Variants in RP1L1 observed in about 807,000 individuals in gnomAD.
The protein encoded by RP1L1 is retinitis pigmentosa 1-like 1 protein.
A neutral mutation model predicts 15.7 loss-of-function variants in RP1L1; 27 were observed. The ratio of observed to expected loss-of-function variants is 1.72; its 90% confidence interval spans 1.27 to 2.38. The LOEUF (loss-of-function observed/expected upper bound fraction) is 2.38. RP1L1 is among the 30% of genes most tolerant of loss of function. The pLI, the probability that RP1L1 is intolerant of heterozygous loss-of-function variation, is 0.00. For synonymous variants in RP1L1, 1,813 were observed against 1,276.7 expected (o/e 1.42, Z -8.96); for missense variants, 4,798 against 3,075.9 (o/e 1.56, Z -13.24).
At chr8:10,642,918 G>A (rs1410557562) in intron 1 of RP1L1, among the ~76,000 whole-genome samples, 1 of 152,208 alleles carries the variant, frequency 6.6e-6, no homozygotes, top group Non-Finnish European at 1.5e-5. Context: ...AAGATCATAA[G>A]ATGATTTTAA....
Position 10,609,692 on chromosome 8 carries a change from C to G in RP1L1, c.4406G>C (p.Ser1469Thr). Reference protein sequence around the residue: ...ETDPSASERQSGSQLEPGLEK... With the variant: ...ETDPSASERQTGSQLEPGLEK... ...CAAACCAGGCTCAAGCTGGGAGCCA[C>G]TCTGCCTCTCGCTGGCACTTGGGTC... The change falls in exon 4 of 4, where the codon AGT (serine) becomes ACT (threonine). Residue 1469 changes from serine to threonine, a missense_variant. Ser to Thr is a moderately conservative substitution (Grantham distance 58, BLOSUM62 1). Transcript: ENST00000382483. The G allele has an allele frequency of 6.2e-7, 1 of 1,613,146 alleles. No individual in the cohort carries two copies.
chr8:10,612,319 C>G lies in RP1L1; in HGVS notation c.1779G>C (p.Thr593=). 1.2e-6 allele frequency: 2 copies of G among 1,613,232 alleles called. No homozygotes were observed. The highest frequency in any genetic ancestry group is 1.7e-6 in the Non-Finnish European group (2 of 1,180,028). ...TGGCCTGCTCGGTGCCCTGTCCTTG[C>G]GTCTCTGCCTGCAGGTCGTCACTCC... ...SLRSDDLQAE[T]QGQGTEQATG... The change falls in exon 4 of 4, where the codon ACG becomes ACC. Residue 593 remains threonine (T), a synonymous_variant. Coordinates refer to ENST00000382483, the MANE Select transcript of RP1L1 (RefSeq NM_178857.6).
In RP1L1 at chr8:10,620,444, A is replaced by G. The variant is rs183763280; in HGVS notation, c.609+2149T>C. The stretch of plus-strand genomic sequence containing the variant: ...AACATGGTGAAACTCCATCTCTACT[A>G]AAAATACAAAAATTAGCTGGGCATA... On this transcript the variant is annotated intron_variant, in intron 2 of 3. Coordinates refer to ENST00000382483, the MANE Select transcript of RP1L1 (RefSeq NM_178857.6). Among the ~76,000 whole-genome samples, 310 of 152,246 alleles carry G rather than the reference A, an allele frequency of 2.0e-3. 1 individual carries two copies. Among genetic ancestry groups the G allele is most frequent in the African/African-American group, 7.0e-3 (290 of 41,534 alleles).
chr8:10,618,927 C>T (rs1488685015), intron 2 of RP1L1, among the ~76,000 whole-genome samples: 3 of 152,078 alleles, frequency 2.0e-5, no homozygotes, highest in Non-Finnish European at 4.4e-5. Context: ...AGTGCAGTGG[C>T]GCAACCTCCA....
At chr8:10,640,534 T>C (rs1798391019) in intron 1 of RP1L1, among the ~76,000 whole-genome samples, 1 of 151,864 alleles carries the variant, frequency 6.6e-6, no homozygotes, top group African/African-American at 2.4e-5. Context: ...GTGCCTGTAA[T>C]CTCAGTTGCT....
At chr8:10,648,747 G>C (rs772960002) in intron 1 of RP1L1, among the ~76,000 whole-genome samples, 1 of 152,234 alleles carries the variant, frequency 6.6e-6, no homozygotes, top group Non-Finnish European at 1.5e-5. Flanking sequence ...CCCTGACAGA[G>C]AACTTACAGT....
chr8:10,650,666 C>A (rs1281824448), intron 1 of RP1L1, among the ~76,000 whole-genome samples: 1 of 151,290 alleles, frequency 6.6e-6, no homozygotes, highest in Non-Finnish European at 1.5e-5. Flanking sequence ...TCAAGTGATT[C>A]TTCTTCTGCC....
In RP1L1 at chr8:10,612,110, C is replaced by T. The variant is rs763800820; in HGVS notation, c.1988G>A (p.Gly663Asp). The change falls in exon 4 of 4, where the codon GGC becomes GAC. Residue 663 changes from glycine to aspartate, a missense_variant. Gly to Asp is a moderately conservative substitution (Grantham distance 94, BLOSUM62 -1). Coordinates refer to ENST00000382483, the MANE Select transcript of RP1L1 (RefSeq NM_178857.6). ...SPGLGRVAPR[G>D]HPRHSHYRKD... ...GCGGTAGTGAGAATGCCTGGGATGG[C>T]CTCTCGGGGCCACTCGGCCAAGGCC... 5 of 1,613,644 alleles carry T rather than the reference C, an allele frequency of 3.1e-6. No homozygotes were observed. The highest frequency in any genetic ancestry group is 1.7e-5 in the Admixed American group (1 of 60,012).
chr8:10,617,679 C>T (rs886672429), intron 2 of RP1L1, among the ~76,000 whole-genome samples: 7 of 150,906 alleles, frequency 4.6e-5, no homozygotes, highest in African/African-American at 1.7e-4. Context: ...GCCTCAGCCT[C>T]CGGAGTAGCT....
intron 1 of RP1L1, among the ~76,000 whole-genome samples, chr8:10,642,178 G>C (rs956763072): frequency 6.6e-6 from 1 of 152,120 alleles, no homozygotes; most frequent in African/African-American, 2.4e-5. Flanking sequence ...GAAAGGTTTA[G>C]TTTTTTTCAA....
At chr8:10,643,874 C>T (rs1483995372) in intron 1 of RP1L1, among the ~76,000 whole-genome samples, 1 of 151,838 alleles carries the variant, frequency 6.6e-6, no homozygotes, top group Non-Finnish European at 1.5e-5. Flanking sequence ...ATGGAAGCAA[C>T]CAGAGTGTTA....
chr8:10,636,609 A>G (rs552368988), intron 1 of RP1L1, among the ~76,000 whole-genome samples: 5 of 152,186 alleles, frequency 3.3e-5, no homozygotes, highest in Admixed American at 3.3e-4. Flanking sequence ...CGTGGGGGCA[A>G]CAGGAAGAAC....
Position 10,610,930 on chromosome 8 carries a change from T to G in RP1L1, c.3168A>C (p.Ala1056=), listed in dbSNP as rs1317979747. The part of the protein sequence containing the change: ...AAPEGVSEAP[A]EAGADREAPA... ...GGGCCTCTCTGTCTGCTCCGGCCTC[T>G]GCAGGGGCCTCGGAAACTCCCTCTG... Residue 1056 remains alanine (A), a synonymous_variant, in exon 4 of 4, where the codon GCA becomes GCC. Transcript: ENST00000382483. 1 of 1,611,226 alleles carries G rather than the reference T, an allele frequency of 6.2e-7. No homozygotes were observed. The highest frequency in any genetic ancestry group is 1.3e-5 in the African/African-American group (1 of 74,896).
At chr8:10,616,118 A>G (rs1400667176) in intron 3 of RP1L1, among the ~76,000 whole-genome samples, 1 of 152,024 alleles carries the variant, frequency 6.6e-6, no homozygotes, top group Non-Finnish European at 1.5e-5. Flanking sequence ...TATGTTGCCC[A>G]GGCGGGTGTC....
intron 1 of RP1L1, among the ~76,000 whole-genome samples, chr8:10,646,676 T>A (rs372702175): frequency 2.0e-5 from 3 of 152,012 alleles, no homozygotes; most frequent in African/African-American, 7.3e-5. Flanking sequence ...GAAGGGCCTC[T>A]CCTGCCCACA....
chr8:10,615,190 G>A (rs988388548), intron 3 of RP1L1, among the ~76,000 whole-genome samples: 7 of 152,152 alleles, frequency 4.6e-5, no homozygotes, highest in Non-Finnish European at 8.8e-5. Context: ...TCCAGCACCT[G>A]ACCTACAGTG....
intron 1 of RP1L1, among the ~76,000 whole-genome samples, chr8:10,629,736 C>A (rs773634718): frequency 4.6e-5 from 7 of 152,154 alleles, no homozygotes; most frequent in Non-Finnish European, 1.0e-4. Context: ...CATGGTGCCA[C>A]CCATGTCCCC....
rs377113656 is a variant in RP1L1, at chr8:10,613,319, C to T, written c.779G>A (p.Ser260Asn). 5 of 1,600,938 alleles carry T rather than the reference C, an allele frequency of 3.1e-6. No homozygotes were observed. The African/African-American group carries it at 5.3e-5, about 17-fold the overall frequency. ...NGSWGPKTKP[S>N]VIHSRSPPGS... Reference sequence around the variant, plus strand: ...TGGCGGAGACCGCGAATGGATCACACTCGGCTTGGTCTTTGGCCCCCAGCT... The same window carrying T: ...TGGCGGAGACCGCGAATGGATCACATTCGGCTTGGTCTTTGGCCCCCAGCT... Residue 260 changes from serine to asparagine, a missense_variant, in exon 4 of 4, where the codon AGT becomes AAT. Physicochemically the swap from Ser to Asn is conservative, Grantham distance 46. Transcript: ENST00000382483.
chr8:10,642,078 C>G (rs188357852), intron 1 of RP1L1, among the ~76,000 whole-genome samples: 2 of 152,194 alleles, frequency 1.3e-5, no homozygotes, highest in East Asian at 3.9e-4. Context: ...GACGTTACCA[C>G]TGGGGGAAAC....
Sources: gnomAD v4.1 joint callset for allele counts (sites outside exome capture counted in the v4.1 genomes callset) on GRCh38, gnomAD v4.1.1 for gene constraint, MANE v1.5 for transcripts, NCBI Gene and HGNC (gene_info 2026-07-23, HGNC 2026-07-21) for gene names.